HS3ST5: variants seen among roughly 807,000 people sequenced by gnomAD.
The protein encoded by HS3ST5 is heparan sulfate-glucosamine 3-sulfotransferase 5, also known as heparan sulfate glucosamine 3-O-sulfotransferase 5.
In HS3ST5, 10 loss-of-function variants were observed where a neutral mutation model predicts 25.4. That is an observed-to-expected ratio of 0.39 (90% CI 0.24 to 0.67). The LOEUF (loss-of-function observed/expected upper bound fraction) is 0.67. Ranked by LOEUF, HS3ST5 falls within the 30% of genes least tolerant of loss-of-function variation. The pLI is 0.44. For missense variants in HS3ST5, 324 were observed against 420.7 expected (o/e 0.77, Z 2.01); for synonymous variants, 170 against 162.4 (o/e 1.05, Z -0.36).
chr6:114,091,501 C>G (rs1367719847), intron 3 of HS3ST5, among the ~76,000 whole-genome samples: 1 of 148,478 alleles, frequency 6.7e-6, no homozygotes, highest in Non-Finnish European at 1.5e-5. Context: ...CATGGTGAAA[C>G]CCCATCTCTA....
chr6:114,263,967 AGAGTCCC>A (rs1458956726), intron 1 of HS3ST5, among the ~76,000 whole-genome samples: 3 of 152,156 alleles, frequency 2.0e-5, no homozygotes, highest in Non-Finnish European at 4.4e-5. Context: ...AAGAACATAA[AGAGTCCC>A]CACAATAACA....
At chr6:114,299,688 C>T (rs915895328) in intron 1 of HS3ST5, among the ~76,000 whole-genome samples, 3 of 152,104 alleles carry the variant, frequency 2.0e-5, no homozygotes, top group Non-Finnish European at 2.9e-5. Flanking sequence ...TAGTCCTGTA[C>T]TAAGTAACAC....
At chr6:114,244,017 A>C (rs535158672) in intron 1 of HS3ST5, among the ~76,000 whole-genome samples, 1 of 152,212 alleles carries the variant, frequency 6.6e-6, no homozygotes, top group Admixed American at 6.5e-5. Flanking sequence ...CCTTTTGTAG[A>C]AGACAGAAAA....
intron 1 of HS3ST5, among the ~76,000 whole-genome samples, chr6:114,288,778 A>G (rs1461108757): frequency 6.6e-6 from 1 of 152,100 alleles, no homozygotes. Context: ...ATTAGATGTT[A>G]GATATAGTCT....
chr6:114,245,353 G>A (rs571045136), intron 1 of HS3ST5, among the ~76,000 whole-genome samples: 1 of 152,254 alleles, frequency 6.6e-6, no homozygotes, highest in East Asian at 1.9e-4. Context: ...CCACAGTTAT[G>A]AGACAGAAAC....
At chr6:114,189,401 G>A (rs1475041049) in intron 2 of HS3ST5, among the ~76,000 whole-genome samples, 1 of 151,612 alleles carries the variant, frequency 6.6e-6, no homozygotes, top group Non-Finnish European at 1.5e-5. Context: ...CCTCTCAGTT[G>A]GGAAGCTCTT....
intron 1 of HS3ST5, among the ~76,000 whole-genome samples, chr6:114,304,993 C>T: frequency 6.6e-6 from 1 of 152,038 alleles, no homozygotes; most frequent in East Asian, 1.9e-4. Flanking sequence ...CAAAACTTGA[C>T]AAGTAATCAT....
At chr6:114,111,601 T>C (rs1270866532) in intron 3 of HS3ST5, among the ~76,000 whole-genome samples, 1 of 152,136 alleles carries the variant, frequency 6.6e-6, no homozygotes, top group Non-Finnish European at 1.5e-5. Context: ...GGGGAATAAC[T>C]TCCTCTCCAT....
At chr6:114,171,588 A>G (rs778256626) in intron 2 of HS3ST5, among the ~76,000 whole-genome samples, 11 of 152,230 alleles carry the variant, frequency 7.2e-5, no homozygotes, top group Non-Finnish European at 1.2e-4. Flanking sequence ...GCACTGAACT[A>G]AATGCTTAAT....
In HS3ST5 at chr6:114,309,066, T is replaced by C. The variant is rs1305161738; in HGVS notation, c.-339+33129A>G. Among the ~76,000 whole-genome samples the C allele has an allele frequency of 4.6e-5, 7 of 152,154 alleles. No individual in the cohort carries two copies. In the East Asian group the frequency reaches 1.4e-3, roughly 29 times the overall value. On this transcript the variant is annotated intron_variant, in intron 1 of 4. Coordinates refer to ENST00000312719, the MANE Select transcript of HS3ST5 (RefSeq NM_153612.4). ...CATCTGGGACGTCAATAATATAAAA[T>C]ACAGAGTCACACTTACAGAGATCCA...
At chr6:114,308,774 T>G (rs1001170439) in intron 1 of HS3ST5, among the ~76,000 whole-genome samples, 4 of 151,752 alleles carry the variant, frequency 2.6e-5, no homozygotes, top group African/African-American at 7.3e-5. Flanking sequence ...GAGAAATGAG[T>G]GAACAAATAG....
intron 3 of HS3ST5, among the ~76,000 whole-genome samples, chr6:114,150,844 TTA>T (rs1491262177): frequency 6.6e-6 from 1 of 152,204 alleles, no homozygotes; most frequent in Non-Finnish European, 1.5e-5. Context: ...TCAAATTGTC[TTA>T]TGTGAATTAC....
chr6:114,269,904 A>G (rs929810622), intron 1 of HS3ST5, among the ~76,000 whole-genome samples: 5 of 152,164 alleles, frequency 3.3e-5, no homozygotes, highest in African/African-American at 1.2e-4. Context: ...AATGGATTTA[A>G]TATTTATCCA....
chr6:114,276,446 T>C, intron 1 of HS3ST5, among the ~76,000 whole-genome samples: 1 of 151,912 alleles, frequency 6.6e-6, no homozygotes, highest in African/African-American at 2.4e-5. Flanking sequence ...GTATTCAGTA[T>C]CTTTGTAATC....
intron 3 of HS3ST5, among the ~76,000 whole-genome samples, chr6:114,075,760 G>A (rs971945903): frequency 1.3e-5 from 2 of 152,144 alleles, no homozygotes; most frequent in African/African-American, 4.8e-5. Context: ...GACAGACACT[G>A]TCTTAACTCC....
chr6:114,086,939 C>A (rs139505526), intron 3 of HS3ST5, among the ~76,000 whole-genome samples: 1 of 152,282 alleles, frequency 6.6e-6, no homozygotes. Context: ...ATCATTATAT[C>A]TGACACCAAG....
chr6:114,147,256 C>T (rs548639086), intron 3 of HS3ST5, among the ~76,000 whole-genome samples: 23 of 152,286 alleles, frequency 1.5e-4, no homozygotes, highest in African/African-American at 2.6e-4. Context: ...ATTTGGGGTA[C>T]GAACTCAGAT....
intron 3 of HS3ST5, among the ~76,000 whole-genome samples, chr6:114,093,445 A>G (rs1775249076): frequency 6.7e-6 from 1 of 149,860 alleles, no homozygotes; most frequent in Non-Finnish European, 1.5e-5. Context: ...CACCCTTGAT[A>G]TTTACATTTG....
chr6:114,179,653 GGT>G, intron 2 of HS3ST5, among the ~76,000 whole-genome samples: 41 of 117,230 alleles, frequency 3.5e-4, no homozygotes, highest in African/African-American at 1.1e-3. Context: ...TATTAGTCAG[GGT>G]TTTTTTTTTT....
Sources: allele counts gnomAD v4.1 joint callset (sites outside exome capture counted in the v4.1 genomes callset), GRCh38; gene constraint gnomAD v4.1.1; transcripts MANE v1.5; gene names NCBI Gene and HGNC (gene_info 2026-07-23, HGNC 2026-07-21).